BCAT1: variants seen among roughly 807,000 people sequenced by gnomAD.
BCAT1 encodes branched chain amino acid transaminase 1.
A neutral mutation model predicts 52.4 loss-of-function variants in BCAT1; 48 were observed. That is an observed-to-expected ratio of 0.92 (90% confidence interval 0.73 to 1.16). BCAT1 has a LOEUF of 1.16. Among genes scored for constraint, BCAT1 ranks in the 50% most tolerant of loss-of-function variants. The pLI is 0.00. For synonymous variants in BCAT1, 167 were observed against 161.3 expected (o/e 1.04, Z -0.27); for missense variants, 451 against 457.1 (o/e 0.99, Z 0.12).
intron 7 of BCAT1, among the ~76,000 whole-genome samples, chr12:24,837,749 T>C (rs1449476753): frequency 6.6e-6 from 1 of 152,086 alleles, no homozygotes; most frequent in African/African-American, 2.4e-5. Context: ...TTTAGTGATT[T>C]TCAAACCTGG....
intron 1 of BCAT1, among the ~76,000 whole-genome samples, chr12:24,913,363 G>A (rs1275249426): frequency 2.6e-5 from 4 of 152,314 alleles, no homozygotes; most frequent in African/African-American, 7.2e-5. Flanking sequence ...CTTCAACATT[G>A]CTTGGGGACA....
In BCAT1 at chr12:24,836,606, A is replaced by G; in HGVS notation, c.818-10T>C. 6.2e-7 allele frequency: 1 copy of G among 1,602,522 alleles called. No homozygotes were observed. Among genetic ancestry groups the G allele is most frequent in the Non-Finnish European group, 8.5e-7 (1 of 1,172,316 alleles). On this transcript the variant is annotated splice_polypyrimidine_tract_variant and intron_variant, in intron 7 of 10. Coordinates refer to ENST00000261192, the MANE Select transcript of BCAT1 (RefSeq NM_005504.7). ...GTTGCCAGTTCTTCTTCTGTCAATC[A>G]GAAATTGGGACATTTTCAAACTTTC... is the stretch of plus-strand genomic sequence containing the variant.
At chr12:24,820,825 C>CA (rs1288240971) in intron 10 of BCAT1, among the ~76,000 whole-genome samples, 3 of 68,876 alleles carry the variant, frequency 4.4e-5, no homozygotes, top group East Asian at 1.6e-3. Context: ...TAATTTCATA[C>CA]GGCTTTGCTA....
At chr12:24,916,732 G>A (rs1441442647) in intron 1 of BCAT1, among the ~76,000 whole-genome samples, 1 of 152,080 alleles carries the variant, frequency 6.6e-6, no homozygotes, top group Non-Finnish European at 1.5e-5. Context: ...GTAGAGACGG[G>A]GTTTCACCAT....
chr12:24,859,203 C>G (rs1230969368), intron 5 of BCAT1, among the ~76,000 whole-genome samples: 4 of 152,134 alleles, frequency 2.6e-5, no homozygotes, highest in Middle Eastern at 3.2e-3. Flanking sequence ...CTCTCTTGAA[C>G]AAAATTTTCA....
chr12:24,882,495 T>C (rs1212635009), intron 3 of BCAT1, among the ~76,000 whole-genome samples: 1 of 152,170 alleles, frequency 6.6e-6, no homozygotes, highest in Admixed American at 6.5e-5. Context: ...TACTAAAGCT[T>C]CGGTTAAAAT....
intron 4 of BCAT1, among the ~76,000 whole-genome samples, 190 bp downstream of exon 4, chr12:24,881,111 A>C (rs1371312600): frequency 2.0e-5 from 3 of 152,194 alleles, no homozygotes; most frequent in African/African-American, 7.2e-5. Flanking sequence ...CTGGGATTAT[A>C]GGAGTGAACC....
At chr12:24,840,350 G>T (rs2139427031) in intron 7 of BCAT1, among the ~76,000 whole-genome samples, 1 of 152,292 alleles carries the variant, frequency 6.6e-6, no homozygotes, top group East Asian at 1.9e-4. Context: ...GTGGGGGTAA[G>T]AGTGGGCAGA....
chr12:24,945,338 A>T (rs1018415629), intron 1 of BCAT1: 1 of 152,214 alleles, frequency 6.6e-6, no homozygotes, highest in Non-Finnish European at 1.5e-5. Context: ...CCTCACATTT[A>T]TTTCTTGGCT....
chr12:24,902,350 C>T (rs1451226599), intron 1 of BCAT1: 17 of 1,191,924 alleles, frequency 1.4e-5, no homozygotes, highest in East Asian at 4.3e-5. Context: ...TGAACCATTT[C>T]CTCCACCAGC....
At chr12:24,825,859 CAT>C (rs1940374250) in intron 10 of BCAT1, among the ~76,000 whole-genome samples, 1 of 152,142 alleles carries the variant, frequency 6.6e-6, no homozygotes, top group Non-Finnish European at 1.5e-5. Context: ...TCCAGCTTGA[CAT>C]AATCCCAATT....
intron 5 of BCAT1, among the ~76,000 whole-genome samples, chr12:24,863,352 T>C (rs1941905237): frequency 6.6e-6 from 1 of 152,214 alleles, no homozygotes; most frequent in Non-Finnish European, 1.5e-5. Flanking sequence ...CAAGAAATCA[T>C]TGCTAACAGA....
chr12:24,867,780 A>C (rs1942067761), intron 5 of BCAT1, among the ~76,000 whole-genome samples: 1 of 152,178 alleles, frequency 6.6e-6, no homozygotes, highest in Admixed American at 6.5e-5. Flanking sequence ...TGAGTGGGGC[A>C]GATCACCTGA....
chr12:24,851,769 G>A (rs1426939621), intron 5 of BCAT1, among the ~76,000 whole-genome samples: 1 of 152,120 alleles, frequency 6.6e-6, no homozygotes, highest in African/African-American at 2.4e-5. Context: ...TTGTTTGGGA[G>A]GAAAAACCTA....
At chr12:24,818,645 A>G (rs908532554) in intron 10 of BCAT1, among the ~76,000 whole-genome samples, 1 of 152,198 alleles carries the variant, frequency 6.6e-6, no homozygotes, top group African/African-American at 2.4e-5. Flanking sequence ...AGTCCCATGG[A>G]TTTTAACAGA....
At chr12:24,932,558 T>C (rs902669376) in intron 1 of BCAT1, among the ~76,000 whole-genome samples, 6 of 152,250 alleles carry the variant, frequency 3.9e-5, no homozygotes, top group Non-Finnish European at 8.8e-5. Context: ...TGAGGATAAA[T>C]TGTAATAATA....
intron 1 of BCAT1, among the ~76,000 whole-genome samples, chr12:24,941,390 T>C (rs1831307314): frequency 6.6e-6 from 1 of 152,258 alleles, no homozygotes; most frequent in Non-Finnish European, 1.5e-5. Flanking sequence ...GTAAATACTT[T>C]ACTGTTCTCT....
At chr12:24,873,309 C>T (rs1165415501) in intron 5 of BCAT1, among the ~76,000 whole-genome samples, 3 of 152,158 alleles carry the variant, frequency 2.0e-5, no homozygotes, top group Non-Finnish European at 4.4e-5. Flanking sequence ...ACTGTAGTTT[C>T]TCTTTTAGAT....
intron 8 of BCAT1, 60 bp downstream of exon 8, chr12:24,836,451 C>G: frequency 7.1e-7 from 1 of 1,403,214 alleles, no homozygotes; most frequent in Non-Finnish European, 9.9e-7. Flanking sequence ...CTAGGCTGGG[C>G]TTATTTTGAT....
Sources: allele counts gnomAD v4.1 joint callset (sites outside exome capture counted in the v4.1 genomes callset), GRCh38; gene constraint gnomAD v4.1.1; transcripts MANE v1.5; gene names NCBI Gene and HGNC (gene_info 2026-07-23, HGNC 2026-07-21).